Variants in APC observed in about 807,000 individuals in gnomAD.
The protein encoded by APC is APC regulator of Wnt signaling pathway.
In APC, 72 loss-of-function variants were observed where a neutral mutation model predicts 247.0. The ratio of observed to expected loss-of-function variants is 0.29; its 90% CI spans 0.24 to 0.35. APC has a LOEUF of 0.35. Ranked by LOEUF, APC falls within the 10% of genes least tolerant of loss-of-function variation. The probability of loss-of-function intolerance (pLI) is 1.00; values close to 1 mark genes in which losing one functional copy is unlikely to be tolerated. For missense variants in APC, 3,400 were observed against 3,360.7 expected, an observed-to-expected ratio of 1.01 and a Z score of -0.29; for synonymous variants, 1,254 against 1,162.5, an observed-to-expected ratio of 1.08 and a Z score of -1.60.
chr5:112,843,814 A>G lies in APC; in HGVS notation c.8220A>G (p.Pro2740=), dbSNP rs773180005. ...APDQKGTEIK[P]GQNNPVPVSE... ...ACCAAAAAGGAACTGAGATAAAACCAGGACAAAATAATCCTGTCCCTGTAT... is the reference window on the plus strand; with the variant it reads ...ACCAAAAAGGAACTGAGATAAAACCGGGACAAAATAATCCTGTCCCTGTAT... Residue 2740 remains proline (P), a synonymous_variant, in exon 16 of 16, where the codon CCA becomes CCG. Transcript: ENST00000257430. This position sits in a 1 kb window ranked among gnomAD's most constrained non-coding sequence, Gnocchi z 4.8. 6.2e-7 allele frequency: 1 copy of G among 1,614,120 alleles called. No homozygotes were observed. Among genetic ancestry groups the G allele is most frequent in the South Asian group, 1.1e-5 (1 of 91,082 alleles).
intron 2 of APC, among the ~76,000 whole-genome samples, chr5:112,757,769 A>T (rs1025095499): frequency 6.6e-6 from 1 of 152,224 alleles, no homozygotes; most frequent in African/African-American, 2.4e-5. Flanking sequence ...AAATTTATGT[A>T]GTAGTACCAT....
chr5:112,745,961 A>G (rs1294035252), intron 1 of APC, among the ~76,000 whole-genome samples: 1 of 152,240 alleles, frequency 6.6e-6, no homozygotes, highest in Non-Finnish European at 1.5e-5. Flanking sequence ...AGTAGTGGAA[A>G]GTATGTGTTG....
At chr5:112,794,150 T>G (rs1048638364) in intron 7 of APC, among the ~76,000 whole-genome samples, 4 of 152,022 alleles carry the variant, frequency 2.6e-5, no homozygotes, top group Admixed American at 6.6e-5. Context: ...TGGAGTGCAG[T>G]GGCGCAATCT....
rs776197565 is a variant in APC at position 112,819,214 on chromosome 5, G to C, written c.1182G>C (p.Gln394His). 1 of 1,613,952 alleles carries C rather than the reference G, an allele frequency of 6.2e-7. No homozygotes were observed. Among genetic ancestry groups the C allele is most frequent in the Non-Finnish European group, 8.5e-7 (1 of 1,179,966 alleles). ...CACTCCACAACATCATTCACTCACAGCCTGATGACAAGAGAGGCAGGCGTG... is the reference window on the plus strand; with the variant it reads ...CACTCCACAACATCATTCACTCACACCCTGATGACAAGAGAGGCAGGCGTG... ...SAALHNIIHS[Q>H]PDDKRGRREI... Residue 394 changes from glutamine to histidine, a missense_variant, in exon 10 of 16, where the codon CAG (glutamine) becomes CAC (histidine). This residue lies in a region of APC where 199 missense variants were observed against 212.5 expected (regional missense o/e 0.94). Coordinates refer to ENST00000257430, the MANE Select transcript of APC (RefSeq NM_000038.6).
rs1260063954 is a variant in APC at position 112,843,646 on chromosome 5, C to T, written c.8052C>T (p.Asp2684=). The T allele has an allele frequency of 1.2e-6, 2 of 1,613,756 alleles. No homozygotes were observed. The highest frequency in any genetic ancestry group is 1.7e-5 in the Admixed American group (1 of 60,008). ...CAGGTAATACTCCCCCGGTGATTGA[C>T]AGTGTTTCAGAAAAGGCAAATCCAA... The part of the protein sequence containing the change: ...SPTGNTPPVI[D]SVSEKANPNI... Residue 2684 remains aspartate (D), a synonymous_variant, in exon 16 of 16, where the codon GAC becomes GAT. Coordinates refer to ENST00000257430, the MANE Select transcript of APC (RefSeq NM_000038.6). This position sits in a 1 kb window ranked among gnomAD's most constrained non-coding sequence, Gnocchi z 4.8.
At chr5:112,808,800 A>G (rs369571340) in intron 8 of APC, among the ~76,000 whole-genome samples, 1 of 152,162 alleles carries the variant, frequency 6.6e-6, no homozygotes, top group Non-Finnish European at 1.5e-5. Flanking sequence ...TATCATCTGT[A>G]TGTCCTATAA....
At chr5:112,743,202 C>G (rs1053090720) in intron 1 of APC, among the ~76,000 whole-genome samples, 1 of 152,226 alleles carries the variant, frequency 6.6e-6, no homozygotes, top group Non-Finnish European at 1.5e-5. Context: ...GCTCTTGTCA[C>G]ATATTCTTCT....
At chr5:112,779,697 A>G (rs1301397021) in intron 5 of APC, among the ~76,000 whole-genome samples, 2 of 152,108 alleles carry the variant, frequency 1.3e-5, no homozygotes, top group African/African-American at 2.4e-5. Flanking sequence ...GGGTTTGGGA[A>G]GTGGAGGACT....
rs1580624343 is a variant in APC, at chr5:112,838,177, C to A, written c.2583C>A (p.Gly861=). The change falls in exon 16 of 16, where the codon GGC becomes GGA. Residue 861 remains glycine, a synonymous_variant. Coordinates refer to ENST00000257430, the MANE Select transcript of APC (RefSeq NM_000038.6). ...SLERERGIGL[G]NYHPATENPG... is the part of the protein sequence containing the mutation. Reference sequence around the variant, plus strand: ...AGAGAGAACGCGGAATTGGTCTAGGCAACTACCATCCAGCAACAGAAAATC... The same window carrying A: ...AGAGAGAACGCGGAATTGGTCTAGGAAACTACCATCCAGCAACAGAAAATC... The A allele has an allele frequency of 6.2e-7, 1 of 1,614,184 alleles. No homozygotes were observed. Among genetic ancestry groups the A allele is most frequent in the Non-Finnish European group, 8.5e-7 (1 of 1,180,044 alleles).
At position 112,780,814 on chromosome 5, in the gene APC, A is replaced by G. The variant is rs1580379633; in HGVS notation, c.556A>G (p.Arg186Gly). The G allele has an allele frequency of 1.2e-6, 2 of 1,612,768 alleles. No homozygotes were observed. Among genetic ancestry groups the G allele is most frequent in the Non-Finnish European group, 8.5e-7 (1 of 1,178,938 alleles). ...ENFSLQTDMTRRQLEYEARQI... is the reference protein window; with the variant it reads ...ENFSLQTDMTGRQLEYEARQI... ...GTTTTCCTTACAAACAGATATGACC[A>G]GAAGGCAATTGGAATATGAAGCAAG... Residue 186 changes from arginine (R) to glycine (G), a missense_variant, in exon 6 of 16, where the codon AGA becomes GGA. Transcript: ENST00000257430.
At chr5:112,765,392 G>A (rs571022397) in intron 2 of APC, among the ~76,000 whole-genome samples, 1 of 152,256 alleles carries the variant, frequency 6.6e-6, no homozygotes, top group East Asian at 1.9e-4. Context: ...GAGGTTACAG[G>A]CATGAGCCAC....
intron 2 of APC, 88 bp from the exon 3 acceptor site, chr5:112,766,238 C>G (rs1347539571): frequency 9.6e-6 from 9 of 941,380 alleles, no homozygotes; most frequent in African/African-American, 1.6e-5. Context: ...GAATTTTTTT[C>G]TCAGCATACT....
At chr5:112,772,066 A>G (rs990518544) in intron 4 of APC, among the ~76,000 whole-genome samples, 29 of 152,206 alleles carry the variant, frequency 1.9e-4, no homozygotes, top group African/African-American at 7.0e-4. Flanking sequence ...TGTTGCTGTC[A>G]TGTTCACTAT....
chr5:112,752,943 G>A (rs2149729596), intron 1 of APC, among the ~76,000 whole-genome samples: 1 of 152,210 alleles, frequency 6.6e-6, no homozygotes, highest in East Asian at 1.9e-4. Flanking sequence ...GGTACTTTTA[G>A]CAGTCTCTGC....
In APC at chr5:112,737,920, A is replaced by G. The variant is rs1023656757; in HGVS notation, c.-24A>G. On this transcript the variant is annotated 5_prime_UTR_variant, in exon 1 of 16. Coordinates refer to ENST00000257430, the MANE Select transcript of APC (RefSeq NM_000038.6). ...GAATGGAGGTGCTGCCGGACTCGGAAATGGGGTAGGTGCTGGAGCCACCAT... is the reference window on the plus strand; with the variant it reads ...GAATGGAGGTGCTGCCGGACTCGGAGATGGGGTAGGTGCTGGAGCCACCAT... 9.1e-6 allele frequency: 9 copies of G among 985,632 alleles called. No homozygotes were observed. The highest frequency in any genetic ancestry group is 1.1e-5 in the Non-Finnish European group (9 of 830,222). The allele number at this position is 985,632 out of a possible 1,614,324, so 61.1% of individuals were successfully genotyped here. A position where few individuals can be genotyped will look rare whatever the true frequency, so the allele number is the denominator to read the frequency against.
At chr5:112,802,012 C>T (rs1178893343) in intron 8 of APC, among the ~76,000 whole-genome samples, 1 of 151,760 alleles carries the variant, frequency 6.6e-6, no homozygotes, top group Non-Finnish European at 1.5e-5. Context: ...AAATACAGTG[C>T]AATAGGACAG....
chr5:112,707,818 T>A (rs1288622966), exon 1 of APC: 1 of 1,370,566 alleles, frequency 7.3e-7, no homozygotes, highest in East Asian at 3.4e-5. Context: ...AGGAGCTGCG[T>A]CCGGCAGGAG....
chr5:112,812,626 A>G (rs571861602), intron 8 of APC, among the ~76,000 whole-genome samples: 2 of 152,284 alleles, frequency 1.3e-5, no homozygotes, highest in Admixed American at 6.5e-5. Context: ...CCAAATTCAG[A>G]TGCCACTTTT....
chr5:112,738,277 A>G, intron 1 of APC: 1 of 985,384 alleles, frequency 1.0e-6, no homozygotes. Context: ...GAGGACAACA[A>G]AGAATGGAGC....
Sources: gnomAD v4.1 joint callset for allele counts (sites outside exome capture counted in the v4.1 genomes callset) on GRCh38, gnomAD v4.1.1 for gene constraint, gnomAD v4.1.1 regional missense constraint, Gnocchi (gnomAD v3.1) non-coding constraint, MANE v1.5 for transcripts, NCBI Gene and HGNC (gene_info 2026-07-23, HGNC 2026-07-21) for gene names.